Variants in MRPL19 observed in about 807,000 individuals in gnomAD.
MRPL19 encodes mitochondrial ribosomal protein L19.
A neutral mutation model predicts 34.0 loss-of-function variants in MRPL19; 31 were observed. That is an observed-to-expected ratio of 0.91 (90% CI 0.68 to 1.23). MRPL19 has a LOEUF of 1.23. Among genes scored for constraint, MRPL19 ranks in the 50% most tolerant of loss-of-function variants. MRPL19 has a pLI of 0.00. For missense variants in MRPL19, 384 were observed against 367.6 expected (o/e 1.04, Z -0.37); for synonymous variants, 152 against 127.7 (o/e 1.19, Z -1.28).
chr2:75,651,163 A>G (rs1162601150), intron 2 of MRPL19: 3 of 360,768 alleles, frequency 8.3e-6, no homozygotes, highest in Admixed American at 7.1e-5. Flanking sequence ...TCCCTGGGCC[A>G]TGGATAGGAA....
At chr2:75,651,349 G>T in intron 2 of MRPL19, 1 of 530,698 alleles carries the variant, frequency 1.9e-6, no homozygotes, top group Admixed American at 1.9e-5. Context: ...GATTCCTTGG[G>T]GCAGGTGACC....
At position 75,656,078 on chromosome 2, in the gene MRPL19, C is replaced by G. The variant is rs1371231718; in HGVS notation, c.*793C>G. The G allele has an allele frequency of 2.0e-5, 3 of 152,188 alleles. No individual in the cohort carries two copies. The highest frequency in any genetic ancestry group is 4.4e-5 in the Non-Finnish European group (3 of 68,044). The allele number at this position is 152,188 out of a possible 1,614,324, so 9.4% of individuals were successfully genotyped here. On this transcript the variant is annotated 3_prime_UTR_variant, in exon 6 of 6. Transcript: ENST00000393909. ...AAACAGAAGGCTCACCACAAGGTATCTGGCAGGATTATACTGGGTAGCTGG... is the reference window on the plus strand; with the variant it reads ...AAACAGAAGGCTCACCACAAGGTATGTGGCAGGATTATACTGGGTAGCTGG...
At chr2:75,649,226 T>C (rs1232917132) in intron 2 of MRPL19, among the ~76,000 whole-genome samples, 1 of 152,204 alleles carries the variant, frequency 6.6e-6, no homozygotes, top group African/African-American at 2.4e-5. Context: ...ACCAAATATG[T>C]GTGAAGCTTG....
intron 2 of MRPL19, chr2:75,647,821 T>C (rs1327066825): frequency 2.0e-5 from 3 of 152,234 alleles, no homozygotes; most frequent in Non-Finnish European, 4.4e-5. Context: ...AAACCTGATA[T>C]GATTATAGGC....
rs1008243816 is a variant in MRPL19 at position 75,658,756 on chromosome 2, G to A, written c.*3471G>A. On this transcript the variant is annotated 3_prime_UTR_variant, in exon 6 of 6. Coordinates refer to ENST00000393909, the MANE Select transcript of MRPL19 (RefSeq NM_014763.4). Reference sequence around the variant, plus strand: ...CCTGGAGAATGTTCCTCATACACTTGAGCAAAATATTTATCATGCTATTGT... The same window carrying A: ...CCTGGAGAATGTTCCTCATACACTTAAGCAAAATATTTATCATGCTATTGT... 5.9e-5 allele frequency among the ~76,000 whole-genome samples: 9 copies of A among 152,048 alleles called. No individual in the cohort carries two copies. The highest frequency in any genetic ancestry group is 1.3e-4 in the Admixed American group (2 of 15,252).
rs1212354634 is a variant in MRPL19, at chr2:75,660,997, C to T, written c.*5712C>T. The T allele has an allele frequency of 6.6e-6, 1 of 152,078 alleles. No homozygotes were observed. The highest frequency in any genetic ancestry group is 2.4e-5 in the African/African-American group (1 of 41,422). 9.4% of individuals were successfully genotyped at this position (152,078 alleles called of 1,614,324 possible). A position where few individuals can be genotyped will look rare whatever the true frequency, so the allele number is the denominator to read the frequency against. ...TTGTTAGTTCACCTTACACTTTTTTCAAGCATTGCCTACTGCTTACGATGA... is the reference window on the plus strand; with the variant it reads ...TTGTTAGTTCACCTTACACTTTTTTTAAGCATTGCCTACTGCTTACGATGA... On this transcript the variant is annotated 3_prime_UTR_variant, in exon 6 of 6. Transcript: ENST00000393909.
intron 2 of MRPL19, among the ~76,000 whole-genome samples, chr2:75,649,804 A>T (rs1041373284): frequency 2.0e-5 from 3 of 151,926 alleles, no homozygotes; most frequent in African/African-American, 7.3e-5. Context: ...TATTTTAAAA[A>T]TTTTTTTGTT....
rs1299260285 is a variant in MRPL19 at position 75,657,065 on chromosome 2, G to A, written c.*1780G>A. On this transcript the variant is annotated 3_prime_UTR_variant, in exon 6 of 6. Transcript: ENST00000393909. ...ATCTATGGATTTGTTCACAGATAAG[G>A]GGTATTCAATATAGTGTATTTTTTT... 3 of 151,686 alleles carry A rather than the reference G, an allele frequency of 2.0e-5. No homozygotes were observed. Among genetic ancestry groups the A allele is most frequent in the Non-Finnish European group, 4.4e-5 (3 of 67,970 alleles). The allele number at this position is 151,686 out of a possible 1,614,324, so 9.4% of individuals were successfully genotyped here. A position where few individuals can be genotyped will look rare whatever the true frequency, so the allele number is the denominator to read the frequency against.
rs532633110 is a variant in MRPL19 at position 75,650,679 on chromosome 2, A to C, written c.222-1463A>C. ...AAGGGTCTCCAGTTAGGAGAATGTG[A>C]AATGCAGGGATGTGAGACTGGCCTA... On this transcript the variant is annotated intron_variant, in intron 2 of 5. Coordinates refer to ENST00000393909, the MANE Select transcript of MRPL19 (RefSeq NM_014763.4). Among the ~76,000 whole-genome samples, 250 of 152,278 alleles carry C rather than the reference A, an allele frequency of 1.6e-3. 1 individual carries two copies. Among genetic ancestry groups the C allele is most frequent in the African/African-American group, 5.8e-3 (239 of 41,550 alleles).
rs61407109 is a variant in MRPL19 at position 75,650,511 on chromosome 2, T to C, written c.222-1631T>C. ...GTAAATGAGAATTTATGGTGAATTT[T>C]TTATTCTAAAACGAATACCTCACCT... On this transcript the variant is annotated intron_variant, in intron 2 of 5. Coordinates refer to ENST00000393909, the MANE Select transcript of MRPL19 (RefSeq NM_014763.4). Among the ~76,000 whole-genome samples the C allele has an allele frequency of 9.9e-5, 15 of 152,272 alleles. No individual in the cohort carries two copies. In the East Asian group the frequency reaches 2.9e-3, roughly 29 times the overall value.
intron 2 of MRPL19, 131 bp from the exon 3 acceptor site, chr2:75,652,009 TAA>T (rs963848031): frequency 2.8e-5 from 15 of 533,752 alleles, no homozygotes; most frequent in Admixed American, 1.1e-4. Context: ...ATTTTAGAAA[TAA>T]GATTGACTTT....
chr2:75,660,808 T>G lies in MRPL19; in HGVS notation c.*5523T>G, dbSNP rs1678594071. ...GCGTAGGGTCTTTGCAGATCTTGTC[T>G]GAGCATGCTTCTTGCTGTGTATGCA... On this transcript the variant is annotated 3_prime_UTR_variant, in exon 6 of 6. Transcript: ENST00000393909. 1 of 152,268 alleles carries G rather than the reference T, an allele frequency of 6.6e-6. No individual in the cohort carries two copies. Among genetic ancestry groups the G allele is most frequent in the African/African-American group, 2.4e-5 (1 of 41,460 alleles). The allele number at this position is 152,268 out of a possible 1,614,324, so 9.4% of individuals were successfully genotyped here.
Position 75,659,255 on chromosome 2 carries a change from A to G in MRPL19, c.*3970A>G, listed in dbSNP as rs1678544605. 6.6e-6 allele frequency among the ~76,000 whole-genome samples: 1 copy of G among 152,072 alleles called. No individual in the cohort carries two copies. On this transcript the variant is annotated 3_prime_UTR_variant, in exon 6 of 6. Transcript: ENST00000393909. ...ATCTAATTTAAACTGATACCAATTT[A>G]CCTTCAATAGCATACAAAATCTCTA...
At position 75,657,313 on chromosome 2, in the gene MRPL19, A is replaced by G. The variant is rs1678478814; in HGVS notation, c.*2028A>G. ...TTTGGGAGTCCCCTCCTCCACATGAATATTTTGGTTTTGTCAGATTCCCTA... is the reference window on the plus strand; with the variant it reads ...TTTGGGAGTCCCCTCCTCCACATGAGTATTTTGGTTTTGTCAGATTCCCTA... On this transcript the variant is annotated 3_prime_UTR_variant, in exon 6 of 6. Coordinates refer to ENST00000393909, the MANE Select transcript of MRPL19 (RefSeq NM_014763.4). 1 of 151,932 alleles carries G rather than the reference A, an allele frequency of 6.6e-6. No individual in the cohort carries two copies. The highest frequency in any genetic ancestry group is 1.5e-5 in the Non-Finnish European group (1 of 67,948). 9.4% of individuals were successfully genotyped at this position (151,932 alleles called of 1,614,324 possible).
At chr2:75,647,047 T>A in intron 1 of MRPL19, 55 bp from the exon 2 acceptor site, 1 of 1,516,330 alleles carries the variant, frequency 6.6e-7, no homozygotes, top group East Asian at 2.4e-5. Context: ...TGCGGGGCTC[T>A]GCGGGATCTC....
chr2:75,652,324 T>G, intron 3 of MRPL19, 64 bp downstream of exon 3: 1 of 1,355,806 alleles, frequency 7.4e-7, no homozygotes, highest in East Asian at 2.3e-5. Context: ...ATTGGATGGT[T>G]AGTTTTCTTA....
rs756258260 is a variant in MRPL19, at chr2:75,654,889, A to T, written c.629A>T (p.Glu210Val). 1 of 1,613,662 alleles carries T rather than the reference A, an allele frequency of 6.2e-7. No homozygotes were observed. The highest frequency in any genetic ancestry group is 2.2e-5 in the East Asian group (1 of 44,858). The change falls in exon 5 of 6, where the codon GAG becomes GTG. Residue 210 changes from glutamate to valine, a missense_variant. Transcript: ENST00000393909. ...FDVNMKPVVQ[E>V]PNQKVPVNEL... ...GTGAATATGAAGCCAGTAGTACAAG[A>T]GCCTAACCAAAAAGTTCCTGTTAAT...
chr2:75,652,146 T>C lies in MRPL19; in HGVS notation c.226T>C (p.Leu76=), dbSNP rs1336851347. 2 of 1,551,132 alleles carry C rather than the reference T, an allele frequency of 1.3e-6. No homozygotes were observed. Among genetic ancestry groups the C allele is most frequent in the Non-Finnish European group, 8.7e-7 (1 of 1,144,190 alleles). Residue 76 remains leucine, a synonymous_variant, in exon 3 of 6, where the codon TTG becomes CTG. Coordinates refer to ENST00000393909, the MANE Select transcript of MRPL19 (RefSeq NM_014763.4). ...ATTTATTTGTATTTTTTACAGGTTCTTGAGTCCTGAATTCATTCCTCGAAG... is the reference window on the plus strand; with the variant it reads ...ATTTATTTGTATTTTTTACAGGTTCCTGAGTCCTGAATTCATTCCTCGAAG... ...HRPVEPERRF[L]SPEFIPRRGR... is the part of the protein sequence containing the mutation.
In MRPL19 at chr2:75,647,448, C is replaced by T. The variant is rs184457691; in HGVS notation, c.221+229C>T. On this transcript the variant is annotated intron_variant, in intron 2 of 5. Transcript: ENST00000393909. ...GAGTCAGAACTTCAAGTAGGGGTTC[C>T]CCATATTTTAAACTCTTTTCTCTGT... The T allele has an allele frequency of 5.5e-4, 288 of 522,706 alleles. 1 individual carries two copies. The highest frequency in any genetic ancestry group is 3.1e-3 in the African/African-American group (156 of 50,236). The allele number at this position is 522,706 out of a possible 1,614,324, so 32.4% of individuals were successfully genotyped here.
Sources: gnomAD v4.1 joint callset for allele counts (sites outside exome capture counted in the v4.1 genomes callset) on GRCh38, gnomAD v4.1.1 for gene constraint, MANE v1.5 for transcripts, NCBI Gene and HGNC (gene_info 2026-07-23, HGNC 2026-07-21) for gene names.